The following GABRB1 variants were observed in gnomAD, a reference collection of about 807,000 sequenced individuals.
GABRB1 encodes the protein gamma-aminobutyric acid receptor subunit beta-1.
A neutral mutation model predicts 51.6 loss-of-function variants in GABRB1; 17 were observed. That is an observed-to-expected ratio of 0.33 (90% CI 0.23 to 0.49). GABRB1 has a LOEUF of 0.49. Among genes scored for constraint, GABRB1 ranks in the 20% least tolerant of loss-of-function variants. The pLI, the probability that GABRB1 is intolerant of heterozygous loss-of-function variation, is 0.99. For missense variants in GABRB1, 410 were observed against 600.6 expected, an observed-to-expected ratio of 0.68 and a Z score of 3.32; for synonymous variants, 247 against 218.9, an observed-to-expected ratio of 1.13 and a Z score of -1.14.
chr4:47,269,447 T>C (rs1273223124), intron 4 of GABRB1, among the ~76,000 whole-genome samples: 1 of 152,186 alleles, frequency 6.6e-6, no homozygotes, highest in Non-Finnish European at 1.5e-5. Context: ...TTAGTCAAAT[T>C]AATTCTGTAA....
chr4:47,378,423 G>A (rs901833941), intron 5 of GABRB1, among the ~76,000 whole-genome samples: 3 of 152,074 alleles, frequency 2.0e-5, no homozygotes, highest in South Asian at 2.1e-4. Flanking sequence ...CCGGGTTCCC[G>A]CCCACACCTC....
intron 4 of GABRB1, among the ~76,000 whole-genome samples, chr4:47,240,708 G>A (rs759630306): frequency 2.0e-4 from 30 of 152,168 alleles, no homozygotes; most frequent in Admixed American, 3.3e-4. Flanking sequence ...CAGTACCTCA[G>A]TACTCTGATA....
At chr4:47,347,387 T>A (rs1328561303) in intron 5 of GABRB1, among the ~76,000 whole-genome samples, 1 of 152,190 alleles carries the variant, frequency 6.6e-6, no homozygotes, top group Non-Finnish European at 1.5e-5. Flanking sequence ...GTATCCTTAT[T>A]TTATATTGAA....
intron 4 of GABRB1, among the ~76,000 whole-genome samples, chr4:47,227,848 T>C (rs912360611): frequency 1.3e-5 from 2 of 152,138 alleles, no homozygotes; most frequent in African/African-American, 4.8e-5. Context: ...GATGGCTGCC[T>C]TCTTGTTGTT....
Position 47,123,461 on chromosome 4 carries a change from A to ATTATATATTATAATATATTACATTATT in GABRB1, c.241-37786_241-37760dup, listed in dbSNP as rs1419627904. Among the ~76,000 whole-genome samples the ATTATATATTATAATATATTACATTATT allele has an allele frequency of 2.5e-4, 29 of 115,168 alleles. 1 individual carries two copies. The highest frequency in any genetic ancestry group is 9.5e-4 in the African/African-American group (27 of 28,388). The allele number at this position is 115,168 out of a possible 152,430, so 75.6% of individuals were successfully genotyped here. A position where few individuals can be genotyped will look rare whatever the true frequency, so the allele number is the denominator to read the frequency against. On this transcript the variant is annotated intron_variant, in intron 3 of 8. Transcript: ENST00000295454. ...TATATTATTTTATATATTATAATAT[A>ATTATATATTATAATATATTACATTATT]TTATATATTATAATATATTACATTA...
In GABRB1 at chr4:47,406,927, G is replaced by A. The variant is rs1728593410; in HGVS notation, c.1080+1G>A. 6.2e-7 allele frequency: 1 copy of A among 1,612,882 alleles called. No homozygotes were observed. Among genetic ancestry groups the A allele is most frequent in the South Asian group, 1.1e-5 (1 of 91,048 alleles). Reference sequence around the variant, plus strand: ...TAAACTGGAGATGAATAAAGTCCAGGTAAGATATTAAATATTCCTAACAAT... The same window carrying A: ...TAAACTGGAGATGAATAAAGTCCAGATAAGATATTAAATATTCCTAACAAT... On this transcript the variant is annotated splice_donor_variant, in intron 8 of 8. Coordinates refer to ENST00000295454, the MANE Select transcript of GABRB1 (RefSeq NM_000812.4). LOFTEE classifies it high-confidence loss of function.
intron 4 of GABRB1, 104 bp from the exon 5 acceptor site, chr4:47,320,023 C>A: frequency 1.3e-6 from 1 of 782,802 alleles, no homozygotes; most frequent in Non-Finnish European, 2.3e-6. Flanking sequence ...AATTTTGATG[C>A]CTTGTTTCTG....
intron 8 of GABRB1, among the ~76,000 whole-genome samples, chr4:47,413,069 T>C (rs934207344): frequency 6.6e-6 from 1 of 152,216 alleles, no homozygotes; most frequent in South Asian, 2.1e-4. Flanking sequence ...CCTTTTCTAC[T>C]GGCACAGCTG....
intron 3 of GABRB1, among the ~76,000 whole-genome samples, chr4:47,073,350 T>C (rs527669612): frequency 2.6e-4 from 39 of 152,324 alleles, no homozygotes; most frequent in Non-Finnish European, 5.6e-4. Context: ...AAACAGTTCT[T>C]TCTTGCTTAT....
intron 4 of GABRB1, among the ~76,000 whole-genome samples, chr4:47,231,398 A>C (rs1370280965): frequency 6.6e-6 from 1 of 152,184 alleles, no homozygotes; most frequent in Non-Finnish European, 1.5e-5. Context: ...GTGAAAAAAT[A>C]ATTATCAACC....
In GABRB1 at chr4:47,196,175, A is replaced by G. The variant is rs573875882; in HGVS notation, c.461+34706A>G. 7.8e-4 allele frequency among the ~76,000 whole-genome samples: 118 copies of G among 152,242 alleles called. 1 individual carries two copies. Among genetic ancestry groups the G allele is most frequent in the Non-Finnish European group, 1.4e-3 (98 of 68,044 alleles). On this transcript the variant is annotated intron_variant, in intron 4 of 8. Coordinates refer to ENST00000295454, the MANE Select transcript of GABRB1 (RefSeq NM_000812.4). Reference sequence around the variant, plus strand: ...AGATAAGTGAGATGGTGAATCCTCAAATATACCCTTGAGAGCTAATCCTTG... The same window carrying G: ...AGATAAGTGAGATGGTGAATCCTCAGATATACCCTTGAGAGCTAATCCTTG...
At chr4:47,410,734 T>G (rs1269082930) in intron 8 of GABRB1, among the ~76,000 whole-genome samples, 1 of 152,194 alleles carries the variant, frequency 6.6e-6, no homozygotes, top group East Asian at 1.9e-4. Flanking sequence ...AGATTTTAGT[T>G]ACTGTCCACT....
At chr4:47,318,868 A>C (rs1318427909) in intron 4 of GABRB1, among the ~76,000 whole-genome samples, 1 of 152,122 alleles carries the variant, frequency 6.6e-6, no homozygotes, top group Non-Finnish European at 1.5e-5. Context: ...ACAACACAAA[A>C]ATTCAAATTA....
At chr4:47,288,513 C>T (rs1723599113) in intron 4 of GABRB1, among the ~76,000 whole-genome samples, 2 of 152,096 alleles carry the variant, frequency 1.3e-5, no homozygotes, top group Admixed American at 1.3e-4. Context: ...CCGCCCGCCT[C>T]AGCCTCCCAA....
chr4:47,035,342 A>G lies in GABRB1; in HGVS notation c.240+2858A>G, dbSNP rs556685666. On this transcript the variant is annotated intron_variant, in intron 3 of 8. Coordinates refer to ENST00000295454, the MANE Select transcript of GABRB1 (RefSeq NM_000812.4). ...ATTAAGAAACAAAAGCAATCTTTACATAGTAAAGAATCTCTACAATCAAGA... is the reference window on the plus strand; with the variant it reads ...ATTAAGAAACAAAAGCAATCTTTACGTAGTAAAGAATCTCTACAATCAAGA... 1.4e-4 allele frequency among the ~76,000 whole-genome samples: 22 copies of G among 152,316 alleles called. 1 individual carries two copies. Among genetic ancestry groups the G allele is most frequent in the African/African-American group, 4.6e-4 (19 of 41,594 alleles).
At chr4:47,315,926 C>G (rs1193367682) in intron 4 of GABRB1, among the ~76,000 whole-genome samples, 1 of 151,720 alleles carries the variant, frequency 6.6e-6, no homozygotes, top group Non-Finnish European at 1.5e-5. Context: ...GAAAAACTAC[C>G]TATTGGATAC....
intron 1 of GABRB1, among the ~76,000 whole-genome samples, chr4:47,013,818 A>G (rs28669167): frequency 0.024 from 3,653 of 152,282 alleles, 133 homozygotes; most frequent in African/African-American, 0.084. Context: ...GAGTGAAACT[A>G]TGATAGAAGG....
At chr4:47,050,872 CT>C (rs1386830515) in intron 3 of GABRB1, among the ~76,000 whole-genome samples, 1 of 151,862 alleles carries the variant, frequency 6.6e-6, no homozygotes, top group East Asian at 1.9e-4. Context: ...CATATGGTTC[CT>C]TAATTGACTA....
chr4:47,307,679 C>T (rs931750067), intron 4 of GABRB1, among the ~76,000 whole-genome samples: 1 of 151,920 alleles, frequency 6.6e-6, no homozygotes, highest in South Asian at 2.1e-4. Context: ...CAAAGTTAAT[C>T]TATACTGCGA....
Sources: gnomAD v4.1 joint callset for allele counts (sites outside exome capture counted in the v4.1 genomes callset) on GRCh38, gnomAD v4.1.1 for gene constraint, MANE v1.5 for transcripts, NCBI Gene and HGNC (gene_info 2026-07-23, HGNC 2026-07-21) for gene names.